Variants in SEPTIN6 observed in about 807,000 individuals in gnomAD.
The protein encoded by SEPTIN6 is septin-6.
In SEPTIN6, 8 loss-of-function variants were observed where a neutral mutation model predicts 33.6. That is an observed-to-expected ratio of 0.24 (90% CI 0.14 to 0.43). The LOEUF is 0.43. Among genes scored for constraint, SEPTIN6 ranks in the 20% least tolerant of loss-of-function variants. The probability of loss-of-function intolerance (pLI) is 1.00; values close to 1 mark genes in which losing one functional copy is unlikely to be tolerated. For missense variants in SEPTIN6, 250 were observed against 340.8 expected (o/e 0.73, Z 2.10); for synonymous variants, 131 against 140.0 (o/e 0.94, Z 0.45).
intron 7 of SEPTIN6, chrX:119,635,214 A>T: frequency 3.4e-6 from 1 of 293,776 alleles, no homozygotes; most frequent in Non-Finnish European, 6.7e-6. Flanking sequence ...ACACATGCTT[A>T]AGAGGGCAGA....
chrX:119,690,010 T>C (rs2055135477), intron 1 of SEPTIN6, among the ~76,000 whole-genome samples: 1 of 111,835 alleles, frequency 8.9e-6, no homozygotes, highest in Non-Finnish European at 1.9e-5. Flanking sequence ...ATTACAGGCA[T>C]GAGCCACCAA....
intron 3 of SEPTIN6, among the ~76,000 whole-genome samples, chrX:119,654,840 C>T (rs1007277264): frequency 6.3e-5 from 7 of 111,495 alleles, no homozygotes; most frequent in South Asian, 3.8e-4. Flanking sequence ...TTGATCCCTC[C>T]GAGCCACTGT....
intron 1 of SEPTIN6, among the ~76,000 whole-genome samples, chrX:119,684,417 A>G (rs1284754189): frequency 1.8e-5 from 2 of 109,716 alleles, no homozygotes; most frequent in Non-Finnish European, 3.8e-5. Flanking sequence ...GCTGCCTCCA[A>G]TGCTGCCAAG....
At chrX:119,686,214 T>C (rs951322886) in intron 1 of SEPTIN6, among the ~76,000 whole-genome samples, 1 of 112,136 alleles carries the variant, frequency 8.9e-6, no homozygotes, top group Admixed American at 9.5e-5. Flanking sequence ...TGCCTCCATC[T>C]GGTCTTGTTT....
intron 5 of SEPTIN6, among the ~76,000 whole-genome samples, chrX:119,647,912 G>A (rs867189945): frequency 2.0e-5 from 2 of 101,752 alleles, no homozygotes; most frequent in South Asian, 4.0e-4. Flanking sequence ...CTTGGCCCCC[G>A]AAAGTGTTGG....
chrX:119,670,834 AGG>A (rs2054731740), intron 2 of SEPTIN6, among the ~76,000 whole-genome samples: 1 of 108,257 alleles, frequency 9.2e-6, no homozygotes, highest in Admixed American at 1.0e-4. Flanking sequence ...GCTACTCAGG[AGG>A]CTGAGGCAGG....
intron 1 of SEPTIN6, among the ~76,000 whole-genome samples, chrX:119,681,307 A>G (rs2054954957): frequency 9.0e-6 from 1 of 111,469 alleles, no homozygotes; most frequent in African/African-American, 3.3e-5. Flanking sequence ...AGTTAATTGA[A>G]TGTTCCTTGA....
chrX:119,645,619 A>G (rs2054242265), intron 5 of SEPTIN6, among the ~76,000 whole-genome samples: 1 of 110,006 alleles, frequency 9.1e-6, no homozygotes, highest in Admixed American at 9.7e-5. Flanking sequence ...CTGGTCCCGA[A>G]CTCCCGACCT....
At chrX:119,654,470 A>C (rs2054404214) in intron 3 of SEPTIN6, among the ~76,000 whole-genome samples, 1 of 111,356 alleles carries the variant, frequency 9.0e-6, no homozygotes, top group East Asian at 2.8e-4. Context: ...CAGGGCAGGG[A>C]GTTTTCAGAT....
intron 3 of SEPTIN6, among the ~76,000 whole-genome samples, chrX:119,654,907 CT>C (rs763790593): frequency 9.0e-6 from 1 of 111,487 alleles, no homozygotes; most frequent in Non-Finnish European, 1.9e-5. Context: ...TAGAAGGTTC[CT>C]GACGAATTTG....
chrX:119,665,465 C>G (rs2054620456), intron 2 of SEPTIN6, among the ~76,000 whole-genome samples: 1 of 111,989 alleles, frequency 8.9e-6, no homozygotes, highest in Non-Finnish European at 1.9e-5. Context: ...CTGCGAGATA[C>G]TAATAAGTCA....
intron 1 of SEPTIN6, among the ~76,000 whole-genome samples, chrX:119,690,274 A>G (rs1286985021): frequency 9.1e-6 from 1 of 109,335 alleles, no homozygotes; most frequent in Non-Finnish European, 1.9e-5. Context: ...GGCTTGTTTT[A>G]GTCACTAAGG....
chrX:119,678,048 CA>C (rs113550244), intron 1 of SEPTIN6, among the ~76,000 whole-genome samples: 17,190 of 110,260 alleles, frequency 0.16, 1,189 homozygotes, highest in South Asian at 0.41. Context: ...GACTGAGCAA[CA>C]ATGGCAAAAC....
intron 3 of SEPTIN6, among the ~76,000 whole-genome samples, chrX:119,655,391 G>A (rs973625310): frequency 9.0e-5 from 10 of 110,734 alleles, no homozygotes; most frequent in Non-Finnish European, 1.3e-4. Flanking sequence ...TCCCACGGTG[G>A]CCACCTCTCT....
chrX:119,640,974 T>C (rs1247578641), intron 5 of SEPTIN6, among the ~76,000 whole-genome samples, 186 bp from the exon 6 acceptor site: 4 of 112,489 alleles, frequency 3.6e-5, no homozygotes, highest in Non-Finnish European at 3.8e-5. Context: ...AGTCCAAGCC[T>C]CTGCTGTTCA....
rs781195904 is a variant in SEPTIN6, at chrX:119,624,455, G to A, written c.*41+880C>T. Among the ~76,000 whole-genome samples the A allele has an allele frequency of 9.9e-5, 11 of 111,130 alleles. No homozygotes were observed. The East Asian group carries it at 2.5e-3, about 26-fold the overall frequency. The stretch of plus-strand genomic sequence containing the variant: ...CTCCCAAAGTGCTAAGATTACAGGC[G>A]TGAGCCACTGCTCTCAGCCTTATTA... On this transcript the variant is annotated intron_variant, in intron 10 of 10. Coordinates refer to ENST00000394610, the MANE Select transcript of SEPTIN6 (RefSeq NM_145799.4).
At chrX:119,628,504 CTTTTT>C (rs766806075) in intron 9 of SEPTIN6, among the ~76,000 whole-genome samples, 1 of 78,384 alleles carries the variant, frequency 1.3e-5, no homozygotes. Context: ...GTCTTGAACT[CTTTTT>C]TTTTTTTTTT....
At chrX:119,630,899 A>G (rs1038093524) in intron 8 of SEPTIN6, among the ~76,000 whole-genome samples, 1 of 110,162 alleles carries the variant, frequency 9.1e-6, no homozygotes, top group Admixed American at 9.7e-5. Context: ...TCGGAAAAAA[A>G]AAAAAAGAAT....
intron 2 of SEPTIN6, among the ~76,000 whole-genome samples, chrX:119,674,590 G>A (rs753011351): frequency 9.0e-6 from 1 of 111,710 alleles, no homozygotes; most frequent in Non-Finnish European, 1.9e-5. Flanking sequence ...AGTTAGAGAA[G>A]CAGGGGGAGG....
Sources: gnomAD v4.1 joint callset for allele counts (sites outside exome capture counted in the v4.1 genomes callset) on GRCh38, gnomAD v4.1.1 for gene constraint, MANE v1.5 for transcripts, NCBI Gene and HGNC (gene_info 2026-07-23, HGNC 2026-07-21) for gene names.